SBNO2: variants seen among roughly 807,000 people sequenced by gnomAD.
The protein encoded by SBNO2 is protein strawberry notch homolog 2.
Under a neutral mutation model 146.3 loss-of-function variants are expected in SBNO2, and 89 were observed. That is an observed-to-expected ratio of 0.61 (90% CI 0.51 to 0.73). The LOEUF (loss-of-function observed/expected upper bound fraction) is 0.73, where lower values mean the gene tolerates loss of function less well. Among genes scored for constraint, SBNO2 ranks in the 30% least tolerant of loss-of-function variants. The probability of loss-of-function intolerance (pLI) is 0.00; values close to 1 mark genes in which losing one functional copy is unlikely to be tolerated. For synonymous variants in SBNO2, 1,147 were observed against 892.6 expected, an observed-to-expected ratio of 1.29 and a Z score of -5.08; for missense variants, 2,092 against 2,003.7, an observed-to-expected ratio of 1.04 and a Z score of -0.84.
rs372474906 is a variant in SBNO2, at chr19:1,123,925, G to C, written c.522+17C>G. 1 of 1,607,992 alleles carries C rather than the reference G, an allele frequency of 6.2e-7. No individual in the cohort carries two copies. The highest frequency in any genetic ancestry group is 1.7e-5 in the Admixed American group (1 of 59,360). ...TGAGAGGGCAGGGGAGGGAGCTCTCGGCTGGGCCCAGCTCACCTGGTAGCT... is the reference window on the plus strand; with the variant it reads ...TGAGAGGGCAGGGGAGGGAGCTCTCCGCTGGGCCCAGCTCACCTGGTAGCT... On this transcript the variant is annotated intron_variant, in intron 6 of 31. Coordinates refer to ENST00000361757, the MANE Select transcript of SBNO2 (RefSeq NM_014963.3).
At chr19:1,131,973 G>A (rs1345974504) in intron 4 of SBNO2, 3 of 664,862 alleles carry the variant, frequency 4.5e-6, no homozygotes, top group African/African-American at 3.9e-5. Flanking sequence ...TGGCGGCCTC[G>A]GACTCTAGGA....
rs1448657484 is a variant in SBNO2 at position 1,111,506 on chromosome 19, C to G, written c.2809G>C (p.Asp937His). The change falls in exon 24 of 32, where the codon GAC becomes CAC. Residue 937 changes from aspartate to histidine, a missense_variant and splice_region_variant. Coordinates refer to ENST00000361757, the MANE Select transcript of SBNO2 (RefSeq NM_014963.3). Reference sequence around the variant, plus strand: ...GAAGACCCCCACCAGCCCAGCTTACCCCGGAAGAAGGTGGGGACCCCTCCA... The same window carrying G: ...GAAGACCCCCACCAGCCCAGCTTACGCCGGAAGAAGGTGGGGACCCCTCCA... ...YPGGVPTFFR[D>H]MKQGLLSVGI... 1.3e-6 allele frequency: 2 copies of G among 1,567,664 alleles called. No homozygotes were observed. The highest frequency in any genetic ancestry group is 1.7e-6 in the Non-Finnish European group (2 of 1,155,582).
At chr19:1,160,998 G>T (rs1412378277) in intron 1 of SBNO2, among the ~76,000 whole-genome samples, 1 of 147,678 alleles carries the variant, frequency 6.8e-6, no homozygotes, top group Admixed American at 6.7e-5. Flanking sequence ...AGGGTCCTGA[G>T]GTGCTTCCCA....
At position 1,158,243 on chromosome 19, in the gene SBNO2, C is replaced by T. The variant is rs550121605; in HGVS notation, c.-126-3841G>A. Among the ~76,000 whole-genome samples, 138 of 152,336 alleles carry T rather than the reference C, an allele frequency of 9.1e-4. 1 individual carries two copies. The highest frequency in any genetic ancestry group is 6.8e-3 in the Middle Eastern group (2 of 294). ...ACCTGTCGTGTGGAGCCCCTTCGCG[C>T]GCTCCGCCCTCAGACCCGAGCCGTC... On this transcript the variant is annotated intron_variant, in intron 1 of 31. Transcript: ENST00000361757. This position sits in a 1 kb window ranked among gnomAD's most constrained non-coding sequence, Gnocchi z 9.9.
intron 4 of SBNO2, among the ~76,000 whole-genome samples, chr19:1,143,777 G>A (rs1427230578): frequency 6.6e-6 from 1 of 151,994 alleles, no homozygotes; most frequent in Non-Finnish European, 1.5e-5. Flanking sequence ...AAGCTCTCCC[G>A]TCTCGGGTCC....
At position 1,113,519 on chromosome 19, in the gene SBNO2, G is replaced by T. The variant is rs1319692333; in HGVS notation, c.2247+16C>A. 6.3e-7 allele frequency: 1 copy of T among 1,581,412 alleles called. No homozygotes were observed. The highest frequency in any genetic ancestry group is 1.4e-5 in the African/African-American group (1 of 72,522). On this transcript the variant is annotated intron_variant, in intron 19 of 31. Transcript: ENST00000361757. ...ATGCCCCGCCCACCACACTCCAGCTGCCACGTCCCACCCACCTCCGCCACC... is the reference window on the plus strand; with the variant it reads ...ATGCCCCGCCCACCACACTCCAGCTTCCACGTCCCACCCACCTCCGCCACC...
chr19:1,108,247 G>T lies in SBNO2; in HGVS notation c.4074C>A (p.Pro1358=). The T allele has an allele frequency of 6.5e-7, 1 of 1,527,060 alleles. No individual in the cohort carries two copies. The highest frequency in any genetic ancestry group is 8.8e-7 in the Non-Finnish European group (1 of 1,135,306). 94.6% of individuals were successfully genotyped at this position (1,527,060 alleles called of 1,614,324 possible). A position where few individuals can be genotyped will look rare whatever the true frequency, so the allele number is the denominator to read the frequency against. The part of the protein sequence containing the change: ...ERQSVIQFSP[P]FPGAQAPL ...AGAGAGGAGCCTGGGCGCCGGGGAA[G>T]GGTGGGCTGAACTGGATCACGCTCT... Residue 1358 remains proline (P), a synonymous_variant, in exon 32 of 32, where the codon CCC becomes CCA. Transcript: ENST00000361757.
chr19:1,131,984 T>G, intron 4 of SBNO2: 61 of 766,134 alleles, frequency 8.0e-5, no homozygotes, highest in Non-Finnish European at 1.1e-4. Flanking sequence ...GACTCTAGGA[T>G]GAGATGCCGG....
In SBNO2 at chr19:1,126,311, C is replaced by T. The variant is rs1468276276; in HGVS notation, c.441+1293G>A. ...ACAAAACACAAAAAAACAGACGCCA[C>T]GCAGGTTCCTGGAAGGCTGAGTCAC... On this transcript the variant is annotated intron_variant, in intron 5 of 31. Coordinates refer to ENST00000361757, the MANE Select transcript of SBNO2 (RefSeq NM_014963.3). The surrounding 1 kb of genome is among the most constrained non-coding windows in gnomAD (Gnocchi z 4.4). Among the ~76,000 whole-genome samples the T allele has an allele frequency of 2.0e-5, 3 of 152,064 alleles. No individual in the cohort carries two copies. The highest frequency in any genetic ancestry group is 4.8e-5 in the African/African-American group (2 of 41,410).
chr19:1,144,924 AGAGACAGAGACAGAGAGG>A lies in SBNO2; in HGVS notation c.279+2367_279+2384del, dbSNP rs1304757834. 6.6e-6 allele frequency among the ~76,000 whole-genome samples: 1 copy of A among 150,818 alleles called. No individual in the cohort carries two copies. The stretch of plus-strand genomic sequence containing the variant: ...GAGGCGGAGATGGAGACAGAGACAG[AGAGACAGAGACAGAGAGG>A]GAGACAGAGACAAAGAGGGAGACAG... On this transcript the variant is annotated intron_variant, in intron 4 of 31. Coordinates refer to ENST00000361757, the MANE Select transcript of SBNO2 (RefSeq NM_014963.3). This position sits in a 1 kb window ranked among gnomAD's most constrained non-coding sequence, Gnocchi z 4.1.
rs2080174307 is a variant in SBNO2 at position 1,144,910 on chromosome 19, GGAGACA to G, written c.279+2393_279+2398del. Reference sequence around the variant, plus strand: ...GAGACAGAGAGACAGAGGCGGAGATGGAGACAGAGACAGAGAGACAGAGACAGAGAG... The same window carrying G: ...GAGACAGAGAGACAGAGGCGGAGATGGAGACAGAGAGACAGAGACAGAGAG... On this transcript the variant is annotated intron_variant, in intron 4 of 31. Transcript: ENST00000361757. The surrounding 1 kb of genome is among the most constrained non-coding windows in gnomAD (Gnocchi z 4.1). 1.9e-5 allele frequency among the ~76,000 whole-genome samples: 2 copies of G among 107,728 alleles called. No homozygotes were observed. Among genetic ancestry groups the G allele is most frequent in the African/African-American group, 1.1e-4 (2 of 18,732 alleles). 70.7% of individuals were successfully genotyped at this position (107,728 alleles called of 152,430 possible).
Position 1,149,353 on chromosome 19 carries a change from G to C in SBNO2, c.167+16C>G. 5.8e-6 allele frequency: 9 copies of C among 1,549,986 alleles called. No homozygotes were observed. The highest frequency in any genetic ancestry group is 7.9e-6 in the Non-Finnish European group (9 of 1,146,454). ...AGCAAGCCTGGGGGCCAGGCGGGGA[G>C]GGTCCCGGTACTCACCGGCTGTCGC... On this transcript the variant is annotated intron_variant, in intron 3 of 31. Transcript: ENST00000361757.
At chr19:1,163,897 G>C (rs1385778226) in intron 1 of SBNO2, among the ~76,000 whole-genome samples, 4 of 152,186 alleles carry the variant, frequency 2.6e-5, no homozygotes, top group African/African-American at 9.7e-5. Flanking sequence ...AGGTGGAAGG[G>C]GCACTGCAGC....
At chr19:1,147,482 C>T (rs1223355665) in intron 3 of SBNO2, 62 bp from the exon 4 acceptor site, 1 of 940,928 alleles carries the variant, frequency 1.1e-6, no homozygotes, top group Middle Eastern at 3.4e-4. Context: ...CTCAGTAACA[C>T]ACCTGCACCC....
At chr19:1,141,432 C>T (rs1477149781) in intron 4 of SBNO2, among the ~76,000 whole-genome samples, 1 of 152,118 alleles carries the variant, frequency 6.6e-6, no homozygotes, top group Non-Finnish European at 1.5e-5. Flanking sequence ...CCAGGATGGT[C>T]TCAAACTCCT....
intron 1 of SBNO2, among the ~76,000 whole-genome samples, chr19:1,159,239 CAG>C (rs2080320806): frequency 6.6e-6 from 1 of 151,864 alleles, no homozygotes; most frequent in African/African-American, 2.4e-5. Flanking sequence ...TAATATGGGG[CAG>C]AGAGCCCTGC....
chr19:1,146,225 A>T (rs11084885), intron 4 of SBNO2, among the ~76,000 whole-genome samples: 4 of 151,938 alleles, frequency 2.6e-5, no homozygotes, highest in African/African-American at 9.7e-5. Context: ...CACAGACTCT[A>T]CTGGGGAGGC....
intron 9 of SBNO2, 39 bp downstream of exon 9, chr19:1,122,619 C>T (rs1568577308): frequency 1.0e-5 from 15 of 1,504,234 alleles, no homozygotes; most frequent in Non-Finnish European, 1.2e-5. Context: ...TTCCGCCCCC[C>T]ACCCCCGCTC....
At chr19:1,155,790 A>C (rs1481015424) in intron 1 of SBNO2, among the ~76,000 whole-genome samples, 1 of 152,120 alleles carries the variant, frequency 6.6e-6, no homozygotes, top group Non-Finnish European at 1.5e-5. Context: ...AGCTGCTGAT[A>C]CCGGGGTCCC....
Sources: allele counts gnomAD v4.1 joint callset (sites outside exome capture counted in the v4.1 genomes callset), GRCh38; gene constraint gnomAD v4.1.1; non-coding constraint Gnocchi (gnomAD v3.1); transcripts MANE v1.5; gene names NCBI Gene and HGNC (gene_info 2026-07-23, HGNC 2026-07-21).